IQCM: variants seen among roughly 807,000 people sequenced by gnomAD.
IQCM encodes the protein IQ domain-containing protein M.
A neutral mutation model predicts 57.6 loss-of-function variants in IQCM; 45 were observed. The observed-to-expected ratio is 0.78, with a 90% CI of 0.62 to 1.00. IQCM has a LOEUF of 1.00. Among genes scored for constraint, IQCM ranks in the 50% least tolerant of loss-of-function variants. The pLI, the probability that IQCM is intolerant of heterozygous loss-of-function variation, is 0.00. For synonymous variants in IQCM, 148 were observed against 158.9 expected (o/e 0.93, Z 0.51); for missense variants, 468 against 511.6 (o/e 0.91, Z 0.82).
chr4:149,503,510 T>C (rs1743477923), intron 12 of IQCM, among the ~76,000 whole-genome samples: 2 of 152,204 alleles, frequency 1.3e-5, no homozygotes, highest in South Asian at 2.1e-4. Context: ...ATGACACCTA[T>C]AGAGTTTTTA....
chr4:149,811,617 G>T (rs1274156583), intron 2 of IQCM, among the ~76,000 whole-genome samples: 1 of 151,994 alleles, frequency 6.6e-6, no homozygotes, highest in African/African-American at 2.4e-5. Context: ...TGTCTCCTCT[G>T]CCCCACTCCC....
intron 12 of IQCM, among the ~76,000 whole-genome samples, chr4:149,474,809 A>G (rs924161353): frequency 1.3e-5 from 2 of 152,126 alleles, no homozygotes; most frequent in Non-Finnish European, 2.9e-5. Flanking sequence ...AAGGAGATGA[A>G]GTAGTTAGCT....
intron 13 of IQCM, among the ~76,000 whole-genome samples, chr4:149,368,966 ATATATATGTGTATATATATACACGTG>A (rs1730133685): frequency 5.9e-5 from 4 of 67,262 alleles, no homozygotes; most frequent in African/African-American, 1.7e-4. Flanking sequence ...ACACGTGTAT[ATATATATGTGTATATATATACACGTG>A]TATATATATA....
At chr4:149,664,184 T>G (rs907909360) in intron 7 of IQCM, among the ~76,000 whole-genome samples, 1 of 152,148 alleles carries the variant, frequency 6.6e-6, no homozygotes, top group Non-Finnish European at 1.5e-5. Context: ...GATTTCTTGT[T>G]CAGATAATAA....
At chr4:149,465,556 ATAC>A (rs1376788930) in intron 12 of IQCM, among the ~76,000 whole-genome samples, 1 of 152,120 alleles carries the variant, frequency 6.6e-6, no homozygotes, top group Non-Finnish European at 1.5e-5. Flanking sequence ...TCACCCCACT[ATAC>A]AATCACCACC....
At chr4:149,532,108 G>C (rs10520023) in intron 12 of IQCM, among the ~76,000 whole-genome samples, 3,153 of 152,080 alleles carry the variant, frequency 0.021, 111 homozygotes, top group African/African-American at 0.072. Flanking sequence ...GGCTCTGCAA[G>C]TGTGTCCTAA....
In IQCM at chr4:149,669,038, A is replaced by G. The variant is rs187137849; in HGVS notation, c.565+13080T>C. 2.9e-4 allele frequency among the ~76,000 whole-genome samples: 44 copies of G among 152,210 alleles called. 1 individual carries two copies. The highest frequency in any genetic ancestry group is 3.4e-3 in the Middle Eastern group (1 of 294). On this transcript the variant is annotated intron_variant, in intron 7 of 13. Transcript: ENST00000636793. ...TTTAAACATATCTTTATAAACACTT[A>G]CTCAACTGATAGAAGATGTCTTCCA...
intron 8 of IQCM, among the ~76,000 whole-genome samples, chr4:149,600,876 T>C (rs1409768467): frequency 6.6e-6 from 1 of 152,124 alleles, no homozygotes; most frequent in Non-Finnish European, 1.5e-5. Flanking sequence ...ACCTAGAAAA[T>C]TTTTTCAGGA....
chr4:149,662,973 C>T (rs1760358871), intron 7 of IQCM, among the ~76,000 whole-genome samples: 1 of 151,452 alleles, frequency 6.6e-6, no homozygotes, highest in African/African-American at 2.4e-5. Context: ...TTTTTTAGGC[C>T]CTCTGTTCCT....
chr4:149,804,299 C>G (rs1347748354), intron 2 of IQCM, among the ~76,000 whole-genome samples: 1 of 151,986 alleles, frequency 6.6e-6, no homozygotes, highest in South Asian at 2.1e-4. Context: ...ACAAAATTTA[C>G]AAAGTATGGG....
At chr4:149,606,491 T>C (rs1579674488) in intron 8 of IQCM, among the ~76,000 whole-genome samples, 2 of 152,022 alleles carry the variant, frequency 1.3e-5, no homozygotes, top group South Asian at 2.1e-4. Context: ...AATTCGTCAA[T>C]GCACAGACAT....
In IQCM at chr4:149,735,375, C is replaced by A; in HGVS notation, c.120+1G>T. ...ACATTAGATAAATGCAAAGGACTAA[C>A]CTCATTTATTTTCTCATAATGTTGG... is the stretch of plus-strand genomic sequence containing the variant. On this transcript the variant is annotated splice_donor_variant, in intron 4 of 13. Transcript: ENST00000636793. LOFTEE classifies it high-confidence loss of function. 8.2e-7 allele frequency: 1 copy of A among 1,220,726 alleles called. No homozygotes were observed. The highest frequency in any genetic ancestry group is 1.0e-6 in the Non-Finnish European group (1 of 977,914). 75.6% of individuals were successfully genotyped at this position (1,220,726 alleles called of 1,614,324 possible). A position where few individuals can be genotyped will look rare whatever the true frequency, so the allele number is the denominator to read the frequency against.
intron 12 of IQCM, among the ~76,000 whole-genome samples, chr4:149,443,522 A>C (rs145561427): frequency 6.6e-6 from 1 of 152,138 alleles, no homozygotes; most frequent in Non-Finnish European, 1.5e-5. Context: ...CCAAGTATAA[A>C]GACACCAAAA....
chr4:149,559,778 A>T lies in IQCM; in HGVS notation c.948+3914T>A, dbSNP rs369581864. On this transcript the variant is annotated intron_variant, in intron 10 of 13. Transcript: ENST00000636793. ...TTATGTAATAAAACTGTTCTATACA[A>T]CAGGAGTCCCCAACCAACTGGTCTG... 4.6e-5 allele frequency among the ~76,000 whole-genome samples: 7 copies of T among 152,356 alleles called. No individual in the cohort carries two copies. The East Asian group carries it at 1.3e-3, about 29-fold the overall frequency.
intron 12 of IQCM, among the ~76,000 whole-genome samples, chr4:149,516,972 G>T (rs953107370): frequency 2.6e-5 from 4 of 151,962 alleles, no homozygotes; most frequent in African/African-American, 7.3e-5. Flanking sequence ...GAGTATGCAT[G>T]GAATACAGGA....
intron 13 of IQCM, among the ~76,000 whole-genome samples, chr4:149,408,790 C>A (rs945841328): frequency 4.6e-5 from 7 of 152,112 alleles, no homozygotes; most frequent in African/African-American, 1.7e-4. Context: ...AACTGCTGTT[C>A]TTTAAGAGCA....
At chr4:149,441,914 A>T (rs1460214867) in intron 12 of IQCM, among the ~76,000 whole-genome samples, 1 of 152,108 alleles carries the variant, frequency 6.6e-6, no homozygotes, top group Admixed American at 6.6e-5. Context: ...CCCTAGGTTC[A>T]GCCCTTTTTG....
chr4:149,652,439 G>A (rs1759272518), intron 7 of IQCM, among the ~76,000 whole-genome samples: 2 of 152,028 alleles, frequency 1.3e-5, no homozygotes, highest in African/African-American at 4.8e-5. Context: ...TTCAGCACAT[G>A]TATCCCAGAA....
intron 2 of IQCM, among the ~76,000 whole-genome samples, chr4:149,751,832 G>T (rs534236912): frequency 6.6e-6 from 1 of 152,104 alleles, no homozygotes; most frequent in Non-Finnish European, 1.5e-5. Context: ...CAGCAGACTC[G>T]GGGAGGGTGG....
Sources: gnomAD v4.1 joint callset for allele counts (sites outside exome capture counted in the v4.1 genomes callset) on GRCh38, gnomAD v4.1.1 for gene constraint, MANE v1.5 for transcripts, NCBI Gene and HGNC (gene_info 2026-07-23, HGNC 2026-07-21) for gene names.